PIGU: variants seen among roughly 807,000 people sequenced by gnomAD.
PIGU encodes the protein GPI-anchor transamidase component PIGU.
PIGU carries 24 observed loss-of-function variants against 49.9 expected under a neutral mutation model. The observed-to-expected ratio is 0.48, with a 90% CI of 0.35 to 0.68. PIGU has a LOEUF of 0.68. Ranked by LOEUF, PIGU falls within the 30% of genes least tolerant of loss-of-function variation. The probability of loss-of-function intolerance (pLI) is 0.01; values close to 1 mark genes in which losing one functional copy is unlikely to be tolerated. For synonymous variants in PIGU, 220 were observed against 205.7 expected, an observed-to-expected ratio of 1.07 and a Z score of -0.59; for missense variants, 490 against 532.6, an observed-to-expected ratio of 0.92 and a Z score of 0.79.
intron 6 of PIGU, among the ~76,000 whole-genome samples, chr20:34,625,735 A>G (rs985666915): frequency 6.7e-6 from 1 of 150,206 alleles, no homozygotes; most frequent in South Asian, 2.2e-4. Context: ...AAAGAAAGAA[A>G]GAAGGAAAAA....
chr20:34,571,802 G>C (rs946570185), intron 11 of PIGU, among the ~76,000 whole-genome samples: 3 of 152,164 alleles, frequency 2.0e-5, no homozygotes, highest in African/African-American at 7.2e-5. Flanking sequence ...CTCCCAACAG[G>C]TCCAAAGGCA....
rs1228537179 is a variant in PIGU, at chr20:34,677,003, A to G, written c.83T>C (p.Ile28Thr). 2 of 1,584,836 alleles carry G rather than the reference A, an allele frequency of 1.3e-6. No individual in the cohort carries two copies. Among genetic ancestry groups the G allele is most frequent in the Admixed American group, 1.8e-5 (1 of 54,530 alleles). Residue 28 changes from isoleucine to threonine, a missense_variant, in exon 1 of 12, where the codon ATT becomes ACT. Physicochemically the swap from Ile to Thr is moderately conservative, Grantham distance 89. Coordinates refer to ENST00000217446, the MANE Select transcript of PIGU (RefSeq NM_080476.5). ...ALFRSSLAEF[I>T]SERVEVVSPL... is the part of the protein sequence containing the mutation. ...GGACACCACCTCCACCCGCTCGGAA[A>G]TGAACTCGGCCAGACTGGAGCGGAA...
intron 2 of PIGU, among the ~76,000 whole-genome samples, chr20:34,652,820 T>C (rs1986582261): frequency 6.6e-6 from 1 of 152,176 alleles, no homozygotes; most frequent in Non-Finnish European, 1.5e-5. Context: ...AGAATATATT[T>C]TGTATAACTT....
intron 7 of PIGU, among the ~76,000 whole-genome samples, chr20:34,593,208 A>G (rs1054490568): frequency 2.0e-5 from 3 of 152,104 alleles, no homozygotes; most frequent in East Asian, 1.9e-4. Flanking sequence ...ATGGTGGCAC[A>G]TGTCTGTAGT....
chr20:34,609,112 T>A (rs773196809), intron 7 of PIGU, among the ~76,000 whole-genome samples: 2 of 151,730 alleles, frequency 1.3e-5, no homozygotes, highest in Non-Finnish European at 2.9e-5. Context: ...AGACCCTGTC[T>A]CTAAAAAAAA....
intron 1 of PIGU, among the ~76,000 whole-genome samples, chr20:34,671,427 A>C (rs974434061): frequency 3.3e-5 from 5 of 151,856 alleles, no homozygotes; most frequent in South Asian, 2.1e-4. Context: ...ACGTCCGGCT[A>C]ATTTTGTATT....
intron 5 of PIGU, among the ~76,000 whole-genome samples, chr20:34,635,155 T>C (rs1240345083): frequency 6.6e-6 from 1 of 152,216 alleles, no homozygotes; most frequent in Non-Finnish European, 1.5e-5. Flanking sequence ...CAAAAAATGA[T>C]AAAATTCTAC....
In PIGU at chr20:34,657,952, C is replaced by T. The variant is rs540813972; in HGVS notation, c.131-708G>A. 1.0e-4 allele frequency among the ~76,000 whole-genome samples: 13 copies of T among 129,478 alleles called. No individual in the cohort carries two copies. The East Asian group carries it at 2.5e-3, about 25-fold the overall frequency. 84.9% of individuals were successfully genotyped at this position (129,478 alleles called of 152,430 possible). A position where few individuals can be genotyped will look rare whatever the true frequency, so the allele number is the denominator to read the frequency against. The stretch of plus-strand genomic sequence containing the variant: ...CCTCTCCCTCTCCCTCTCCCTCACC[C>T]TCTCCCTCTCTCTCTCTCCACGGTC... On this transcript the variant is annotated intron_variant, in intron 1 of 11. Coordinates refer to ENST00000217446, the MANE Select transcript of PIGU (RefSeq NM_080476.5).
At chr20:34,651,428 A>G (rs1986536633) in intron 2 of PIGU, among the ~76,000 whole-genome samples, 2 of 152,368 alleles carry the variant, frequency 1.3e-5, no homozygotes, top group South Asian at 4.1e-4. Context: ...AAAGCAGCTC[A>G]GACTGTTCGT....
chr20:34,567,692 C>T (rs761731668), intron 11 of PIGU, among the ~76,000 whole-genome samples: 23 of 152,160 alleles, frequency 1.5e-4, no homozygotes, highest in Non-Finnish European at 2.6e-4. Context: ...CCTTGAAGGC[C>T]TGTGGTCTGA....
At chr20:34,614,645 T>G (rs1319356141) in intron 7 of PIGU, among the ~76,000 whole-genome samples, 1 of 151,310 alleles carries the variant, frequency 6.6e-6, no homozygotes, top group Non-Finnish European at 1.5e-5. Flanking sequence ...AAAAAAAAAT[T>G]TCTACGTTAT....
At chr20:34,601,624 G>A (rs1984428429) in intron 7 of PIGU, among the ~76,000 whole-genome samples, 1 of 152,206 alleles carries the variant, frequency 6.6e-6, no homozygotes, top group African/African-American at 2.4e-5. Context: ...AAGCCCAGCT[G>A]CTGAAACGAC....
At chr20:34,562,518 G>C (rs1349678013) in intron 11 of PIGU, 1 of 1,289,398 alleles carries the variant, frequency 7.8e-7, no homozygotes, top group Admixed American at 2.3e-5. Flanking sequence ...CAGCAGCTCT[G>C]ATGGCCTCAG....
intron 1 of PIGU, among the ~76,000 whole-genome samples, chr20:34,672,815 G>A (rs73106906): frequency 4.9e-5 from 7 of 141,566 alleles, no homozygotes; most frequent in South Asian, 2.2e-4. Flanking sequence ...TGATCATGCC[G>A]CTGCACTCCA....
At chr20:34,627,290 C>T (rs920692794) in intron 6 of PIGU, among the ~76,000 whole-genome samples, 23 of 152,170 alleles carry the variant, frequency 1.5e-4, no homozygotes, top group Admixed American at 8.5e-4. Context: ...GCTTAAACTA[C>T]TTGCAAAATT....
intron 7 of PIGU, among the ~76,000 whole-genome samples, chr20:34,605,193 A>C (rs1600621719): frequency 1.3e-5 from 2 of 152,348 alleles, no homozygotes; most frequent in East Asian, 3.9e-4. Context: ...AGCCAAGGTC[A>C]GAGAAAGAGT....
At chr20:34,655,811 G>C (rs1449906238) in intron 2 of PIGU, among the ~76,000 whole-genome samples, 1 of 121,278 alleles carries the variant, frequency 8.2e-6, no homozygotes, top group African/African-American at 3.0e-5. Flanking sequence ...CAAAGGTGCC[G>C]AGCAAGACGG....
rs1261536488 is a variant in PIGU at position 34,669,346 on chromosome 20, TG to T, written c.130+7609del. On this transcript the variant is annotated intron_variant, in intron 1 of 11. Transcript: ENST00000217446. The stretch of plus-strand genomic sequence containing the variant: ...CTCTGCAATATTTTTGCAAGTATTC[TG>T]TAAGTTTAAAATGATTTCAAGTAAA... 1.2e-4 allele frequency among the ~76,000 whole-genome samples: 18 copies of T among 152,190 alleles called. No homozygotes were observed. In the East Asian group the frequency reaches 3.3e-3, roughly 28 times the overall value.
At chr20:34,602,573 G>C (rs1242255286) in intron 7 of PIGU, among the ~76,000 whole-genome samples, 1 of 151,984 alleles carries the variant, frequency 6.6e-6, no homozygotes, top group Non-Finnish European at 1.5e-5. Flanking sequence ...CTCCAGCCTG[G>C]GCGACACAGC....
Sources: allele counts gnomAD v4.1 joint callset (sites outside exome capture counted in the v4.1 genomes callset), GRCh38; gene constraint gnomAD v4.1.1; transcripts MANE v1.5; gene names NCBI Gene and HGNC (gene_info 2026-07-23, HGNC 2026-07-21).